Variants in RERE observed in about 807,000 individuals in gnomAD.
RERE encodes the protein arginine-glutamic acid dipeptide repeats protein.
A neutral mutation model predicts 146.1 loss-of-function variants in RERE; 40 were observed. That is an observed-to-expected ratio of 0.27 (90% CI 0.21 to 0.36). The LOEUF (loss-of-function observed/expected upper bound fraction) is 0.36. Ranked by LOEUF, RERE falls within the 10% of genes least tolerant of loss-of-function variation. The probability of loss-of-function intolerance (pLI) is 1.00; values close to 1 mark genes in which losing one functional copy is unlikely to be tolerated. For missense variants in RERE, 1,933 were observed against 2,138.7 expected, an observed-to-expected ratio of 0.90 and a Z score of 1.90; for synonymous variants, 1,003 against 866.0, an observed-to-expected ratio of 1.16 and a Z score of -2.78.
intron 1 of RERE, among the ~76,000 whole-genome samples, chr1:8,699,875 G>A (rs1171039400): frequency 6.6e-6 from 1 of 151,792 alleles, no homozygotes; most frequent in African/African-American, 2.4e-5. Flanking sequence ...ATCCCACTCC[G>A]CCCCAACAAC....
At chr1:8,732,202 C>T (rs1035428900) in intron 1 of RERE, among the ~76,000 whole-genome samples, 4 of 152,170 alleles carry the variant, frequency 2.6e-5, no homozygotes, top group African/African-American at 4.8e-5. Flanking sequence ...AAAATCTGCA[C>T]AAATTTTAGA....
At chr1:8,807,549 A>G (rs1412584843) in intron 1 of RERE, among the ~76,000 whole-genome samples, 1 of 152,138 alleles carries the variant, frequency 6.6e-6, no homozygotes, top group Non-Finnish European at 1.5e-5. Flanking sequence ...CTTTCCCTCA[A>G]TTGCCTTTCT....
chr1:8,809,157 A>AAAAAAAT lies in RERE; in HGVS notation c.-145+8002_-145+8003insATTTTTT, dbSNP rs985140466. ...TGTCTTAAAAAAAAAAAAAAAAAAA[A>AAAAAAAT]AAAGTACTGAGGGAGAGGTTAATGG... On this transcript the variant is annotated intron_variant, in intron 1 of 22. Transcript: ENST00000400908. Among the ~76,000 whole-genome samples, 26 of 146,210 alleles carry AAAAAAAT rather than the reference A, an allele frequency of 1.8e-4. 1 individual carries two copies. The highest frequency in any genetic ancestry group is 6.9e-4 in the African/African-American group (25 of 36,440).
At chr1:8,363,734 CAG>C in intron 15 of RERE, 1 of 349,122 alleles carries the variant, frequency 2.9e-6, no homozygotes, top group Non-Finnish European at 5.3e-6. Flanking sequence ...TTTAAAATAG[CAG>C]AGATTTGATA....
At chr1:8,775,523 G>A (rs986549570) in intron 1 of RERE, among the ~76,000 whole-genome samples, 18 of 152,196 alleles carry the variant, frequency 1.2e-4, no homozygotes, top group Admixed American at 4.6e-4. Context: ...GGTAGAGGCT[G>A]CAGTGAGCTA....
Position 8,414,620 on chromosome 1 carries a change from T to A in RERE, c.1284+8107A>T, listed in dbSNP as rs1643711742. ...ATTATGATACCACAATTGAGAGGAT[T>A]CAGAAGAAGGATTTAAGACACTTGA... On this transcript the variant is annotated intron_variant, in intron 12 of 22. Coordinates refer to ENST00000400908, the MANE Select transcript of RERE (RefSeq NM_001042681.2). 3.4e-5 allele frequency among the ~76,000 whole-genome samples: 5 copies of A among 148,828 alleles called. No homozygotes were observed. The Admixed American group carries it at 3.4e-4, about 10-fold the overall frequency.
chr1:8,735,083 T>C (rs1358749370), intron 1 of RERE, among the ~76,000 whole-genome samples: 1 of 152,190 alleles, frequency 6.6e-6, no homozygotes, highest in East Asian at 1.9e-4. Flanking sequence ...ACTTAGACTA[T>C]CTAACTTAAA....
intron 1 of RERE, among the ~76,000 whole-genome samples, chr1:8,658,755 CAAA>C (rs569580732): frequency 1.7e-5 from 2 of 118,730 alleles, no homozygotes. Context: ...GACTCCATCT[CAAA>C]AAAAAAAAAG....
chr1:8,543,095 G>GA (rs201564527), intron 6 of RERE, among the ~76,000 whole-genome samples: 477 of 152,278 alleles, frequency 3.1e-3, no homozygotes, highest in African/African-American at 0.011. Context: ...CATCACAGCA[G>GA]AAAGTTCTAT....
At chr1:8,657,998 A>C (rs1386345266) in intron 1 of RERE, among the ~76,000 whole-genome samples, 1 of 152,238 alleles carries the variant, frequency 6.6e-6, no homozygotes, top group Non-Finnish European at 1.5e-5. Context: ...AAAGAAACCC[A>C]ACAAGAAAAG....
At chr1:8,613,022 G>C (rs1279126140) in intron 4 of RERE, among the ~76,000 whole-genome samples, 4 of 152,100 alleles carry the variant, frequency 2.6e-5, no homozygotes, top group African/African-American at 9.7e-5. Context: ...TTATGCTGTT[G>C]CAACAATTAC....
chr1:8,591,438 A>G (rs971078596), intron 4 of RERE, among the ~76,000 whole-genome samples: 7 of 151,876 alleles, frequency 4.6e-5, no homozygotes, highest in South Asian at 2.1e-4. Context: ...TAAAAAAAAA[A>G]AAAAGAAAAG....
intron 1 of RERE, among the ~76,000 whole-genome samples, chr1:8,812,257 A>G (rs1641826016): frequency 6.6e-6 from 1 of 152,244 alleles, no homozygotes; most frequent in Admixed American, 6.5e-5. Flanking sequence ...GTGGTTTATG[A>G]ATTAGAGGCC....
At chr1:8,401,259 C>T (rs908956864) in intron 12 of RERE, among the ~76,000 whole-genome samples, 4 of 140,352 alleles carry the variant, frequency 2.8e-5, no homozygotes, top group African/African-American at 8.4e-5. Flanking sequence ...TTTTCAAAGA[C>T]GGCCAAGACA....
At position 8,458,412 on chromosome 1, in the gene RERE, C is replaced by T. The variant is rs182128313; in HGVS notation, c.1203+7513G>A. 8.5e-5 allele frequency among the ~76,000 whole-genome samples: 13 copies of T among 152,196 alleles called. No homozygotes were observed. The East Asian group carries it at 2.5e-3, about 29-fold the overall frequency. On this transcript the variant is annotated intron_variant, in intron 11 of 22. Transcript: ENST00000400908. ...TCCCCCCATTACTCCCCTTACTCCCCGCTCAAGCAAAAATGAAAAATATAC... is the reference window on the plus strand; with the variant it reads ...TCCCCCCATTACTCCCCTTACTCCCTGCTCAAGCAAAAATGAAAAATATAC...
intron 2 of RERE, among the ~76,000 whole-genome samples, chr1:8,634,287 T>C (rs1352043043): frequency 6.6e-6 from 1 of 152,220 alleles, no homozygotes; most frequent in African/African-American, 2.4e-5. Flanking sequence ...TCAATGCCTA[T>C]TACTAACGTA....
intron 7 of RERE, among the ~76,000 whole-genome samples, chr1:8,531,214 T>C (rs1341502504): frequency 6.6e-6 from 1 of 151,944 alleles, no homozygotes; most frequent in Non-Finnish European, 1.5e-5. Context: ...GAGGCCGAAG[T>C]GGTGGGTGAC....
At chr1:8,486,755 T>TAAAAAAAAAAAAAAAAAAAAAA (rs33956517) in intron 10 of RERE, among the ~76,000 whole-genome samples, 1 of 122,350 alleles carries the variant, frequency 8.2e-6, no homozygotes, top group East Asian at 2.3e-4. Context: ...GAGTCCATCT[T>TAAAAAAAAAAAAAAAAAAAAAA]AAAAAAAAAA....
At chr1:8,426,514 C>T (rs1644015623) in intron 11 of RERE, among the ~76,000 whole-genome samples, 1 of 151,974 alleles carries the variant, frequency 6.6e-6, no homozygotes, top group South Asian at 2.1e-4. Flanking sequence ...GTGGCAGTCC[C>T]AGGCCAGACC....
Sources: allele counts gnomAD v4.1 joint callset (sites outside exome capture counted in the v4.1 genomes callset), GRCh38; gene constraint gnomAD v4.1.1; transcripts MANE v1.5; gene names NCBI Gene and HGNC (gene_info 2026-07-23, HGNC 2026-07-21).